CYP27A1: variants seen among roughly 807,000 people sequenced by gnomAD.
CYP27A1 encodes cytochrome P450 family 27 subfamily A member 1, also known as sterol 26-hydroxylase, mitochondrial.
In CYP27A1, 46 loss-of-function variants were observed where a neutral mutation model predicts 58.2. The observed-to-expected ratio is 0.79, with a 90% CI of 0.62 to 1.01. The LOEUF is 1.01. Among genes scored for constraint, CYP27A1 ranks in the 50% least tolerant of loss-of-function variants. The pLI is 0.00. For missense variants in CYP27A1, 704 were observed against 687.0 expected (o/e 1.02, Z -0.28); for synonymous variants, 274 against 285.1 (o/e 0.96, Z 0.39).
In CYP27A1 at chr2:218,814,373, C is replaced by T. The variant is rs1943763243; in HGVS notation, c.1185-7C>T. 2 of 1,613,676 alleles carry T rather than the reference C, an allele frequency of 1.2e-6. No homozygotes were observed. Among genetic ancestry groups the T allele is most frequent in the Non-Finnish European group, 1.7e-6 (2 of 1,179,600 alleles). ...AGAGCAGACTCCAGACATTCTTTTC[C>T]CTGCAGTCTCTACCCTGTGGTCCCC... On this transcript the variant is annotated splice_region_variant and splice_polypyrimidine_tract_variant and intron_variant, in intron 6 of 8. Coordinates refer to ENST00000258415, the MANE Select transcript of CYP27A1 (RefSeq NM_000784.4).
chr2:218,809,881 G>A, intron 2 of CYP27A1, 114 bp downstream of exon 2: 2 of 937,332 alleles, frequency 2.1e-6, no homozygotes, highest in Non-Finnish European at 1.6e-6. Flanking sequence ...TGCATCCTCT[G>A]AGCCTGATGG....
intron 1 of CYP27A1, among the ~76,000 whole-genome samples, chr2:218,795,591 C>A (rs1187416175): frequency 3.3e-5 from 5 of 152,154 alleles, no homozygotes; most frequent in Non-Finnish European, 5.9e-5. Flanking sequence ...TTGCTCAGAA[C>A]CAGAATATTG....
chr2:218,811,748 T>C (rs1943718030), intron 2 of CYP27A1, among the ~76,000 whole-genome samples: 1 of 152,210 alleles, frequency 6.6e-6, no homozygotes, highest in Non-Finnish European at 1.5e-5. Context: ...AGCTCCCCCT[T>C]ATTTGACATA....
At chr2:218,789,466 A>G (rs1156759200) in intron 1 of CYP27A1, among the ~76,000 whole-genome samples, 1 of 152,232 alleles carries the variant, frequency 6.6e-6, no homozygotes, top group African/African-American at 2.4e-5. Flanking sequence ...GGAAAGTGAC[A>G]TACAAAAAAT....
chr2:218,811,269 G>A (rs184250697), intron 2 of CYP27A1, among the ~76,000 whole-genome samples: 133 of 152,284 alleles, frequency 8.7e-4, no homozygotes, highest in African/African-American at 3.1e-3. Flanking sequence ...TTAGCAACCA[G>A]TACTGACAGT....
intron 1 of CYP27A1, among the ~76,000 whole-genome samples, chr2:218,786,693 C>T (rs1208787323): frequency 1.3e-5 from 2 of 152,178 alleles, no homozygotes; most frequent in South Asian, 2.1e-4. Flanking sequence ...GGTGACCCTT[C>T]CTGTGCCCCC....
At chr2:218,787,593 G>T (rs1376554812) in intron 1 of CYP27A1, among the ~76,000 whole-genome samples, 1 of 152,180 alleles carries the variant, frequency 6.6e-6, no homozygotes, top group Non-Finnish European at 1.5e-5. Flanking sequence ...GTGTTGACAG[G>T]TGGGACCTTT....
At chr2:218,784,445 C>A (rs1056670855) in intron 1 of CYP27A1, among the ~76,000 whole-genome samples, 3 of 152,206 alleles carry the variant, frequency 2.0e-5, no homozygotes, top group East Asian at 1.9e-4. Context: ...AAGGAAGATG[C>A]CTTCCCTCTT....
chr2:218,796,455 G>A (rs1300416727), intron 1 of CYP27A1, among the ~76,000 whole-genome samples: 5 of 152,172 alleles, frequency 3.3e-5, no homozygotes, highest in Middle Eastern at 3.4e-3. Context: ...TTAGCCAGGC[G>A]TGGTGGTACA....
chr2:218,784,887 G>T (rs1393457336), intron 1 of CYP27A1, among the ~76,000 whole-genome samples: 1 of 152,210 alleles, frequency 6.6e-6, no homozygotes, highest in Non-Finnish European at 1.5e-5. Context: ...TGTGAACCCA[G>T]ATCCTTTAAG....
In CYP27A1 at chr2:218,782,267, G is replaced by C; in HGVS notation, c.85G>C (p.Ala29Pro). 6.4e-7 allele frequency: 1 copy of C among 1,568,116 alleles called. No individual in the cohort carries two copies. The highest frequency in any genetic ancestry group is 8.6e-7 in the Non-Finnish European group (1 of 1,157,526). The change falls in exon 1 of 9, where the codon GCC becomes CCC. Residue 29 changes from alanine to proline, a missense_variant. Coordinates refer to ENST00000258415, the MANE Select transcript of CYP27A1 (RefSeq NM_000784.4). This position sits in a 1 kb window ranked among gnomAD's most constrained non-coding sequence, Gnocchi z 4.1. ...CTGCCCCCACGGGGCCAGAGCCAAG[G>C]CCGCGATCCCTGCCGCCCTCCCCTC... ...GLCPHGARAK[A>P]AIPAALPSDK...
chr2:218,812,491 G>A lies in CYP27A1; in HGVS notation c.647-61G>A, dbSNP rs953309841. 6.8e-6 allele frequency: 11 copies of A among 1,611,678 alleles called. No individual in the cohort carries two copies. The African/African-American group carries it at 1.1e-4, about 16-fold the overall frequency. ...AGAGGTTGTGCTCCCTCTCCTCAAG[G>A]GCTCCTGGATTCCATATGTCCTGGT... On this transcript the variant is annotated intron_variant, in intron 3 of 8. Transcript: ENST00000258415.
At chr2:218,807,160 C>T (rs1181285275) in intron 1 of CYP27A1, among the ~76,000 whole-genome samples, 2 of 151,826 alleles carry the variant, frequency 1.3e-5, no homozygotes, top group African/African-American at 4.8e-5. Context: ...GGCGTTTCAC[C>T]ATGTTGGCCA....
chr2:218,815,155 G>A lies in CYP27A1; in HGVS notation c.*125G>A. 4 of 1,188,160 alleles carry A rather than the reference G, an allele frequency of 3.4e-6. No homozygotes were observed. The highest frequency in any genetic ancestry group is 1.3e-5 in the South Asian group (1 of 77,896). 73.6% of individuals were successfully genotyped at this position (1,188,160 alleles called of 1,614,324 possible). A position where few individuals can be genotyped will look rare whatever the true frequency, so the allele number is the denominator to read the frequency against. ...GGCCGCCAGACTCGAGAGGTGGGAG[G>A]AACTCCTTGCACACACCCTGAGCTT... On this transcript the variant is annotated 3_prime_UTR_variant, in exon 9 of 9. Transcript: ENST00000258415.
At chr2:218,783,778 G>C (rs1943417347) in intron 1 of CYP27A1, among the ~76,000 whole-genome samples, 1 of 152,192 alleles carries the variant, frequency 6.6e-6, no homozygotes. Context: ...CTGGTCCTGG[G>C]CTGGGGTAGC....
At chr2:218,798,885 AAAAC>A (rs71040405) in intron 1 of CYP27A1, among the ~76,000 whole-genome samples, 79,552 of 150,700 alleles carry the variant, frequency 0.53, 21,919 homozygotes, top group African/African-American at 0.66. Context: ...TTGATCTCAA[AAAAC>A]AAACAAACAA....
chr2:218,801,560 A>G (rs1325731140), intron 1 of CYP27A1, among the ~76,000 whole-genome samples: 1 of 152,090 alleles, frequency 6.6e-6, no homozygotes, highest in Non-Finnish European at 1.5e-5. Context: ...TACATGCAGA[A>G]TATATATCAC....
At chr2:218,809,897 A>G in intron 2 of CYP27A1, 130 bp downstream of exon 2, 1 of 817,688 alleles carries the variant, frequency 1.2e-6, no homozygotes, top group Non-Finnish European at 1.9e-6. Flanking sequence ...GATGGTCTAG[A>G]GAGCAGTTGT....
chr2:218,803,708 C>A, intron 1 of CYP27A1, among the ~76,000 whole-genome samples: 1 of 149,302 alleles, frequency 6.7e-6, no homozygotes, highest in Non-Finnish European at 1.5e-5. Flanking sequence ...AGGTGTGAGC[C>A]ACCGTGCCCC....
Sources: gnomAD v4.1 joint callset for allele counts (sites outside exome capture counted in the v4.1 genomes callset) on GRCh38, gnomAD v4.1.1 for gene constraint, Gnocchi (gnomAD v3.1) non-coding constraint, MANE v1.5 for transcripts, NCBI Gene and HGNC (gene_info 2026-07-23, HGNC 2026-07-21) for gene names.